Variants in MIA3 observed in about 807,000 individuals in gnomAD.
The protein encoded by MIA3 is MIA SH3 domain ER export factor 3.
MIA3 carries 90 observed loss-of-function variants against 192.4 expected under a neutral mutation model. The observed-to-expected ratio is 0.47, with a 90% CI of 0.39 to 0.56. The LOEUF (loss-of-function observed/expected upper bound fraction) is 0.56. Ranked by LOEUF, MIA3 falls within the 20% of genes least tolerant of loss-of-function variation. The pLI is 0.00. For synonymous variants in MIA3, 740 were observed against 792.8 expected, an observed-to-expected ratio of 0.93 and a Z score of 1.12; for missense variants, 2,123 against 2,269.4, an observed-to-expected ratio of 0.94 and a Z score of 1.31.
chr1:222,664,017 G>T lies in MIA3; in HGVS notation c.5282G>T (p.Gly1761Val). The change falls in exon 27 of 28, where the codon GGG becomes GTG. Residue 1761 changes from glycine (G) to valine (V), a missense_variant. By Grantham distance (109) the Gly-to-Val change is moderately radical. Coordinates refer to ENST00000344922, the MANE Select transcript of MIA3 (RefSeq NM_198551.4). ...CTGCAGGTTAATATGGCTCCAAAAG[G>T]GCCCCCTCCTTTCCCAGGAGTCCCT... Reference protein sequence around the residue: ...DEGKVNMAPKGPPPFPGVPLM... With the variant: ...DEGKVNMAPKVPPPFPGVPLM... The T allele has an allele frequency of 6.2e-7, 1 of 1,613,662 alleles. No homozygotes were observed. Among genetic ancestry groups the T allele is most frequent in the South Asian group, 1.1e-5 (1 of 91,044 alleles).
chr1:222,653,150 CAA>C lies in MIA3; in HGVS notation c.4209+21_4209+22del. 6.3e-7 allele frequency: 1 copy of C among 1,598,764 alleles called. No homozygotes were observed. Among genetic ancestry groups the C allele is most frequent in the Non-Finnish European group, 8.6e-7 (1 of 1,167,916 alleles). On this transcript the variant is annotated intron_variant, in intron 14 of 27. Coordinates refer to ENST00000344922, the MANE Select transcript of MIA3 (RefSeq NM_198551.4). The stretch of plus-strand genomic sequence containing the variant: ...ATTAATGTAAGTGCGTTCATGAATA[CAA>C]GCTTAATTCTTGTGAATTATCAAAT...
intron 6 of MIA3, chr1:222,644,213 C>T: frequency 9.3e-7 from 1 of 1,077,080 alleles, no homozygotes. Flanking sequence ...TCTCTCCCGT[C>T]CCCTCGATAG....
intron 7 of MIA3, 159 bp downstream of exon 7, chr1:222,645,844 A>ATTATTTTTTTTTTTTTTTTTTTTTT: frequency 1.6e-6 from 1 of 630,282 alleles, no homozygotes; most frequent in East Asian, 4.0e-5. Flanking sequence ...GTGTTGGTAA[A>ATTATTTTTTTTTTTTTTTTTTTTTT]TTCTTAAGTG....
At chr1:222,643,948 G>C (rs908834913) in intron 6 of MIA3, among the ~76,000 whole-genome samples, 1 of 145,214 alleles carries the variant, frequency 6.9e-6, no homozygotes, top group African/African-American at 2.5e-5. Flanking sequence ...AGTGGGCAAG[G>C]AAGAAAGGCC....
chr1:222,644,269 G>A, intron 6 of MIA3: 1 of 1,381,150 alleles, frequency 7.2e-7, no homozygotes, highest in Non-Finnish European at 9.4e-7. Flanking sequence ...CGGCTCCTTT[G>A]GTGCCTTGAG....
chr1:222,624,796 A>C lies in MIA3; in HGVS notation c.296A>C (p.Lys99Thr). 1 of 1,597,586 alleles carries C rather than the reference A, an allele frequency of 6.3e-7. No homozygotes were observed. The highest frequency in any genetic ancestry group is 8.6e-7 in the Non-Finnish European group (1 of 1,165,948). Residue 99 changes from lysine (K) to threonine (T), a missense_variant, in exon 3 of 28, where the codon AAA becomes ACA. Coordinates refer to ENST00000344922, the MANE Select transcript of MIA3 (RefSeq NM_198551.4). ...SVGRTFGYFP[K>T]DLIQVVHEYT... ...GGACGCACTTTTGGATATTTTCCAA[A>C]AGATTTAATCCAGGTAGTTCATGAA...
chr1:222,621,854 G>T (rs1432985201), intron 2 of MIA3, among the ~76,000 whole-genome samples: 26 of 148,412 alleles, frequency 1.8e-4, no homozygotes, highest in Admixed American at 1.2e-3. Flanking sequence ...TGTCGCCCAG[G>T]CTGGAGTGCC....
intron 12 of MIA3, 61 bp from the exon 13 acceptor site, chr1:222,652,167 A>C (rs1571898023): frequency 6.7e-7 from 1 of 1,485,918 alleles, no homozygotes; most frequent in East Asian, 2.3e-5. Flanking sequence ...GTTGGGTTGG[A>C]AAAGTAACTT....
rs1436011579 is a variant in MIA3 at position 222,629,184 on chromosome 1, T to C, written c.1964T>C (p.Leu655Pro). 6.2e-7 allele frequency: 1 copy of C among 1,614,134 alleles called. No individual in the cohort carries two copies. The highest frequency in any genetic ancestry group is 1.7e-5 in the Admixed American group (1 of 60,004). Reference protein sequence around the residue: ...EDEVPILGRNLPWQQERDVAA... With the variant: ...EDEVPILGRNPPWQQERDVAA... ...GAGGTTCCCATTCTGGGAAGAAATC[T>C]TCCCTGGCAACAAGAAAGAGATGTG... is the stretch of plus-strand genomic sequence containing the variant. The change falls in exon 4 of 28, where the codon CTT (leucine) becomes CCT (proline). Residue 655 changes from leucine to proline, a missense_variant. Physicochemically the swap from Leu to Pro is moderately conservative, Grantham distance 98 (BLOSUM62 -3). Around this residue, in one of 3 missense-constraint regions of MIA3, gnomAD observed 1,357 missense variants for 1,396.1 expected, o/e 0.97. Coordinates refer to ENST00000344922, the MANE Select transcript of MIA3 (RefSeq NM_198551.4).
chr1:222,624,588 A>G (rs1662023476), intron 2 of MIA3, among the ~76,000 whole-genome samples, 180 bp from the exon 3 acceptor site: 1 of 152,234 alleles, frequency 6.6e-6, no homozygotes. Flanking sequence ...TCTGGGACCC[A>G]TACAAAGTGT....
intron 1 of MIA3, among the ~76,000 whole-genome samples, chr1:222,618,832 T>C (rs1443098172): frequency 6.6e-6 from 1 of 152,250 alleles, no homozygotes; most frequent in East Asian, 1.9e-4. Flanking sequence ...GATTTGGGCT[T>C]GTACCGCCTT....
intron 26 of MIA3, among the ~76,000 whole-genome samples, chr1:222,662,693 T>C (rs1474578602): frequency 6.6e-6 from 1 of 152,190 alleles, no homozygotes; most frequent in Non-Finnish European, 1.5e-5. Flanking sequence ...GAGCATCTGC[T>C]GTAACTGTAA....
chr1:222,657,689 T>G (rs980052111), intron 18 of MIA3, among the ~76,000 whole-genome samples: 1 of 152,236 alleles, frequency 6.6e-6, no homozygotes, highest in African/African-American at 2.4e-5. Context: ...TGTTCTGTTC[T>G]TATATGCACC....
intron 15 of MIA3, 146 bp from the exon 16 acceptor site, chr1:222,654,097 T>TA: frequency 2.7e-6 from 2 of 728,800 alleles, no homozygotes; most frequent in Non-Finnish European, 4.5e-6. Context: ...GCAGTTCTCT[T>TA]AAAAGTCAGT....
chr1:222,665,197 CAAAAAAAA>C (rs879011032), intron 27 of MIA3, 104 bp from the exon 28 acceptor site: 803 of 384,448 alleles, frequency 2.1e-3, no homozygotes, highest in African/African-American at 5.1e-3. Context: ...ACCCTGCCGC[CAAAAAAAA>C]AAAAAAAAAA....
chr1:222,645,604 A>G lies in MIA3; in HGVS notation c.3528A>G (p.Gly1176=). 1 of 1,613,682 alleles carries G rather than the reference A, an allele frequency of 6.2e-7. No individual in the cohort carries two copies. The highest frequency in any genetic ancestry group is 1.1e-5 in the South Asian group (1 of 91,042). The part of the protein sequence containing the change: ...DDVQPGPDFY[G]LPWKPVFITA... ...TTCAGCCTGGGCCTGATTTTTATGG[A>G]CTGCCATGGAAACCTGTATTTATCA... The change falls in exon 7 of 28, where the codon GGA becomes GGG. Residue 1176 remains glycine, a synonymous_variant. Transcript: ENST00000344922.
intron 6 of MIA3, among the ~76,000 whole-genome samples, chr1:222,638,770 G>A (rs1662737338): frequency 1.3e-5 from 2 of 151,952 alleles, no homozygotes; most frequent in African/African-American, 4.8e-5. Context: ...GCCAAAGAAC[G>A]AGTGGGAAAT....
At chr1:222,621,322 C>G in intron 2 of MIA3, 30 bp downstream of exon 2, 1 of 1,589,496 alleles carries the variant, frequency 6.3e-7, no homozygotes. Flanking sequence ...ACTTTATTTG[C>G]TTAATTTTTA....
chr1:222,636,506 C>CTTTT (rs34208115), intron 6 of MIA3, among the ~76,000 whole-genome samples: 17 of 74,028 alleles, frequency 2.3e-4, no homozygotes, highest in African/African-American at 4.7e-4. Flanking sequence ...TAGTGTCCAT[C>CTTTT]TTTTTTTTTT....
Sources: gnomAD v4.1 joint callset for allele counts (sites outside exome capture counted in the v4.1 genomes callset) on GRCh38, gnomAD v4.1.1 for gene constraint, gnomAD v4.1.1 regional missense constraint, MANE v1.5 for transcripts, NCBI Gene and HGNC (gene_info 2026-07-23, HGNC 2026-07-21) for gene names.